The following CDH20 variants were observed in gnomAD, a reference collection of about 807,000 sequenced individuals.
CDH20 encodes cadherin-20.
In CDH20, 29 loss-of-function variants were observed where a neutral mutation model predicts 74.2. The ratio of observed to expected loss-of-function variants is 0.39; its 90% CI spans 0.29 to 0.53. The LOEUF is 0.53. CDH20 is among the 20% of genes least tolerant of loss of function. CDH20 has a pLI of 0.69. For missense variants in CDH20, 988 were observed against 1,048.3 expected, an observed-to-expected ratio of 0.94 and a Z score of 0.79; for synonymous variants, 469 against 405.4, an observed-to-expected ratio of 1.16 and a Z score of -1.88.
intron 6 of CDH20, among the ~76,000 whole-genome samples, chr18:61,512,582 C>G (rs1349429034): frequency 6.6e-6 from 1 of 152,170 alleles, no homozygotes; most frequent in Non-Finnish European, 1.5e-5. Flanking sequence ...ATGTTAGATT[C>G]ACTCCATGCC....
At position 61,425,907 on chromosome 18, in the gene CDH20, G is replaced by A. The variant is rs116399369; in HGVS notation, c.-152-64495G>A. Among the ~76,000 whole-genome samples the A allele has an allele frequency of 2.8e-3, 430 of 152,248 alleles. 3 individuals are homozygous for A. The highest frequency in any genetic ancestry group is 9.9e-3 in the African/African-American group (410 of 41,544). ...CTAAATAAATGAAAACATGTTCCAT[G>A]TTCGTGGATTGGAAGACTTAATATT... On this transcript the variant is annotated intron_variant, in intron 1 of 11. Transcript: ENST00000262717.
chr18:61,464,327 A>C (rs553146342), intron 1 of CDH20, among the ~76,000 whole-genome samples: 55 of 151,990 alleles, frequency 3.6e-4, no homozygotes, highest in African/African-American at 1.3e-3. Context: ...AAAAAAAAAA[A>C]GTTAACATAT....
chr18:61,436,512 T>G (rs539457210), intron 1 of CDH20, among the ~76,000 whole-genome samples: 1 of 152,216 alleles, frequency 6.6e-6, no homozygotes, highest in Non-Finnish European at 1.5e-5. Context: ...AAGTTCAGTT[T>G]TAGATACCTG....
At chr18:61,402,783 G>GGT (rs1912198304) in intron 1 of CDH20, among the ~76,000 whole-genome samples, 1 of 152,002 alleles carries the variant, frequency 6.6e-6, no homozygotes, top group Non-Finnish European at 1.5e-5. Context: ...CCTGGGCTGG[G>GGT]GTATTTTATG....
intron 1 of CDH20, among the ~76,000 whole-genome samples, chr18:61,352,928 A>T (rs927099349): frequency 1.3e-5 from 2 of 152,184 alleles, no homozygotes; most frequent in African/African-American, 4.8e-5. Flanking sequence ...CTGCATAAAA[A>T]CACTACCTTG....
intron 1 of CDH20, among the ~76,000 whole-genome samples, chr18:61,435,161 G>T (rs2144305653): frequency 6.6e-6 from 1 of 152,176 alleles, no homozygotes; most frequent in Non-Finnish European, 1.5e-5. Flanking sequence ...AGGGGAAAAA[G>T]AGTTATTCAG....
chr18:61,524,141 C>T (rs1383372759), intron 6 of CDH20, among the ~76,000 whole-genome samples: 2 of 152,038 alleles, frequency 1.3e-5, no homozygotes. Flanking sequence ...GCAAATCATA[C>T]ATCTGACAAT....
At chr18:61,347,287 A>AATATATATATATATATATATATATATAT (rs758677743) in intron 1 of CDH20, among the ~76,000 whole-genome samples, 1 of 86,452 alleles carries the variant, frequency 1.2e-5, no homozygotes, top group African/African-American at 5.9e-5. Context: ...TGTCTCTGCT[A>AATATATATATATATATATATATATATAT]ATATATATAT....
At chr18:61,425,029 A>T (rs1432133869) in intron 1 of CDH20, among the ~76,000 whole-genome samples, 3 of 122,392 alleles carry the variant, frequency 2.5e-5, no homozygotes, top group Admixed American at 8.4e-5. Flanking sequence ...TCTCTCTCCC[A>T]CTTCCCCGCT....
intron 1 of CDH20, among the ~76,000 whole-genome samples, chr18:61,437,837 T>C (rs1908887394): frequency 6.6e-6 from 1 of 151,858 alleles, no homozygotes; most frequent in Non-Finnish European, 1.5e-5. Flanking sequence ...TTATTTCTTC[T>C]ACTCTTTCCC....
Position 61,447,663 on chromosome 18 carries a change from C to T in CDH20, c.-152-42739C>T, listed in dbSNP as rs544928000. On this transcript the variant is annotated intron_variant, in intron 1 of 11. Transcript: ENST00000262717. ...GGGTGAGTAAAGTCTATGATTTATG[C>T]GGTAAGCAGACATTTATTCATTGTA... Among the ~76,000 whole-genome samples, 110 of 152,284 alleles carry T rather than the reference C, an allele frequency of 7.2e-4. 1 individual carries two copies. The South Asian group carries it at 0.022, about 30-fold the overall frequency.
chr18:61,553,387 C>T (rs1004521798), intron 11 of CDH20, among the ~76,000 whole-genome samples: 4 of 152,144 alleles, frequency 2.6e-5, no homozygotes, highest in Non-Finnish European at 5.9e-5. Flanking sequence ...CCAGCGAACA[C>T]ATTCTAGGGG....
intron 1 of CDH20, among the ~76,000 whole-genome samples, chr18:61,444,054 C>G (rs1386805575): frequency 6.6e-6 from 1 of 151,998 alleles, no homozygotes; most frequent in Non-Finnish European, 1.5e-5. Context: ...TCTCTCAGAC[C>G]CTTTAGAGTT....
At chr18:61,436,112 C>A (rs1908826886) in intron 1 of CDH20, among the ~76,000 whole-genome samples, 1 of 152,118 alleles carries the variant, frequency 6.6e-6, no homozygotes, top group Non-Finnish European at 1.5e-5. Flanking sequence ...CATTTATTTT[C>A]ATTTCTGAAT....
intron 6 of CDH20, among the ~76,000 whole-genome samples, chr18:61,507,969 A>G (rs994020449): frequency 5.9e-5 from 9 of 152,330 alleles, no homozygotes; most frequent in Non-Finnish European, 1.3e-4. Context: ...GAATCAATAA[A>G]TAACATGCAA....
At chr18:61,498,524 C>T (rs1417188370) in intron 2 of CDH20, among the ~76,000 whole-genome samples, 1 of 152,086 alleles carries the variant, frequency 6.6e-6, no homozygotes, top group East Asian at 1.9e-4. Context: ...AACCCAAGAA[C>T]CAGTCCCATC....
Position 61,355,792 on chromosome 18 carries a change from A to C in CDH20, c.-153+21965A>C, listed in dbSNP as rs374173353. Among the ~76,000 whole-genome samples, 56 of 152,350 alleles carry C rather than the reference A, an allele frequency of 3.7e-4. No individual in the cohort carries two copies. The East Asian group carries it at 6.6e-3, about 18-fold the overall frequency. On this transcript the variant is annotated intron_variant, in intron 1 of 11. Transcript: ENST00000262717. ...AATTCTGTTTTCATGGATTTTATACACAGAAACATTAATAAATTTGGGCAA... is the reference window on the plus strand; with the variant it reads ...AATTCTGTTTTCATGGATTTTATACCCAGAAACATTAATAAATTTGGGCAA...
At chr18:61,336,519 A>T (rs1568099361) in intron 1 of CDH20, among the ~76,000 whole-genome samples, 2 of 152,208 alleles carry the variant, frequency 1.3e-5, no homozygotes, top group African/African-American at 4.8e-5. Context: ...TCATCAAGAG[A>T]GCCACTGAAA....
chr18:61,526,103 T>C (rs1599146943), intron 6 of CDH20, among the ~76,000 whole-genome samples: 1 of 145,684 alleles, frequency 6.9e-6, no homozygotes, highest in African/African-American at 2.5e-5. Context: ...GAACCACTGC[T>C]CCTGGCCAAA....
Sources: gnomAD v4.1 joint callset for allele counts (sites outside exome capture counted in the v4.1 genomes callset) on GRCh38, gnomAD v4.1.1 for gene constraint, MANE v1.5 for transcripts, NCBI Gene and HGNC (gene_info 2026-07-23, HGNC 2026-07-21) for gene names.